ST3GAL1: variants seen among roughly 807,000 people sequenced by gnomAD.
ST3GAL1 encodes the protein CMP-N-acetylneuraminate-beta-galactosamide-alpha-2,3-sialyltransferase 1.
In ST3GAL1, 16 loss-of-function variants were observed where a neutral mutation model predicts 34.1. The ratio of observed to expected loss-of-function variants is 0.47; its 90% CI spans 0.32 to 0.71. ST3GAL1 has a LOEUF of 0.71. ST3GAL1 is among the 30% of genes least tolerant of loss of function. The pLI is 0.04. For synonymous variants in ST3GAL1, 191 were observed against 184.7 expected (o/e 1.03, Z -0.28); for missense variants, 353 against 447.4 (o/e 0.79, Z 1.90).
chr8:133,477,756 G>A (rs1054803682), intron 3 of ST3GAL1, among the ~76,000 whole-genome samples: 36 of 152,114 alleles, frequency 2.4e-4, no homozygotes, highest in African/African-American at 8.7e-4. Context: ...CGTCTGCCCT[G>A]GAGCGTGGTC....
intron 7 of ST3GAL1, 36 bp downstream of exon 7, chr8:133,464,742 G>A (rs139806751): frequency 4.1e-4 from 651 of 1,591,432 alleles, no homozygotes; most frequent in Non-Finnish European, 5.0e-4. Context: ...ACTGCAAGGG[G>A]CAGAGCAGCG....
At chr8:133,569,911 G>A (rs1223682761) in intron 1 of ST3GAL1, among the ~76,000 whole-genome samples, 1 of 152,248 alleles carries the variant, frequency 6.6e-6, no homozygotes, top group Non-Finnish European at 1.5e-5. Flanking sequence ...CACGTAGTAG[G>A]TGCTCCAGGC....
intron 2 of ST3GAL1, among the ~76,000 whole-genome samples, chr8:133,510,889 G>C (rs994789013): frequency 6.6e-6 from 1 of 152,184 alleles, no homozygotes; most frequent in Non-Finnish European, 1.5e-5. Context: ...GGAAGGACAG[G>C]GAATGAAGCA....
intron 1 of ST3GAL1, among the ~76,000 whole-genome samples, chr8:133,569,044 A>G (rs1169145488): frequency 6.6e-6 from 1 of 152,200 alleles, no homozygotes; most frequent in East Asian, 1.9e-4. Context: ...TTCGAGGAAC[A>G]GACTCCACAC....
intron 2 of ST3GAL1, among the ~76,000 whole-genome samples, chr8:133,511,270 G>A (rs994734340): frequency 6.6e-6 from 1 of 152,188 alleles, no homozygotes; most frequent in African/African-American, 2.4e-5. Flanking sequence ...CTTATGGGGA[G>A]GTAGATAGGC....
chr8:133,461,273 G>A lies in ST3GAL1; in HGVS notation c.849+602C>T, dbSNP rs185446647. ...CCTGCCTGAACCCAACATCAGGGAG[G>A]AAGTGGGGGCTGTGTGGCCTGCCCT... is the stretch of plus-strand genomic sequence containing the variant. On this transcript the variant is annotated intron_variant, in intron 9 of 9. Transcript: ENST00000522652. The surrounding 1 kb of genome is among the most constrained non-coding windows in gnomAD (Gnocchi z 4.7). Among the ~76,000 whole-genome samples, 29 of 152,328 alleles carry A rather than the reference G, an allele frequency of 1.9e-4. No homozygotes were observed. In the East Asian group the frequency reaches 5.2e-3, roughly 27 times the overall value.
chr8:133,560,474 A>G (rs1819187518), intron 1 of ST3GAL1, among the ~76,000 whole-genome samples: 1 of 152,232 alleles, frequency 6.6e-6, no homozygotes, highest in Non-Finnish European at 1.5e-5. Context: ...TCAGAGCCCC[A>G]GGCTTTGGGA....
intron 2 of ST3GAL1, among the ~76,000 whole-genome samples, chr8:133,510,683 A>T (rs1817477871): frequency 1.3e-5 from 2 of 152,232 alleles, no homozygotes; most frequent in Non-Finnish European, 2.9e-5. Context: ...AATGGAATAA[A>T]ATTTAAAGCA....
At chr8:133,562,608 C>T (rs1233888936) in intron 1 of ST3GAL1, among the ~76,000 whole-genome samples, 3 of 152,054 alleles carry the variant, frequency 2.0e-5, no homozygotes, top group Admixed American at 6.6e-5. Flanking sequence ...CTGTGAATGT[C>T]GCTGGGTTGT....
At position 133,458,085 on chromosome 8, in the gene ST3GAL1, A is replaced by G. The variant is rs1815366664; in HGVS notation, c.*1679T>C. ...CTAGCCTGAGAATAAATCCAAGTCC[A>G]CAATGAGGAAGAAGGAAGGTTGGGT... On this transcript the variant is annotated 3_prime_UTR_variant, in exon 10 of 10. Coordinates refer to ENST00000522652, the MANE Select transcript of ST3GAL1 (RefSeq NM_173344.3). The G allele has an allele frequency of 6.6e-6, 1 of 152,274 alleles. No homozygotes were observed. The highest frequency in any genetic ancestry group is 1.5e-5 in the Non-Finnish European group (1 of 68,072). The allele number at this position is 152,274 out of a possible 1,614,324, so 9.4% of individuals were successfully genotyped here.
chr8:133,519,288 A>T (rs958763699), intron 2 of ST3GAL1, among the ~76,000 whole-genome samples: 11 of 152,198 alleles, frequency 7.2e-5, no homozygotes, highest in Non-Finnish European at 1.5e-5. Flanking sequence ...CTCATGCCTC[A>T]TGCCCTGTGA....
intron 2 of ST3GAL1, among the ~76,000 whole-genome samples, chr8:133,512,601 G>A (rs1817527042): frequency 6.6e-6 from 1 of 152,148 alleles, no homozygotes; most frequent in South Asian, 2.1e-4. Flanking sequence ...GCCATTGAAA[G>A]GTGAAGGGCC....
intron 3 of ST3GAL1, among the ~76,000 whole-genome samples, chr8:133,492,473 C>T (rs1448952598): frequency 6.6e-6 from 1 of 152,168 alleles, no homozygotes; most frequent in African/African-American, 2.4e-5. Context: ...GTAATCCTAG[C>T]ACTTTGGGAG....
Position 133,497,252 on chromosome 8 carries a change from CG to C in ST3GAL1, c.-374+1882del, listed in dbSNP as rs565816942. Among the ~76,000 whole-genome samples, 31 of 152,306 alleles carry C rather than the reference CG, an allele frequency of 2.0e-4. No homozygotes were observed. The South Asian group carries it at 4.1e-3, about 20-fold the overall frequency. On this transcript the variant is annotated intron_variant, in intron 3 of 9. Transcript: ENST00000522652. ...CGGATTCCTGCCCTGCCTGGAAAGA[CG>C]GGCCTGACACAGTGGACTGCAGTGT...
At chr8:133,509,624 G>T (rs1817445926) in intron 2 of ST3GAL1, among the ~76,000 whole-genome samples, 1 of 152,238 alleles carries the variant, frequency 6.6e-6, no homozygotes, top group African/African-American at 2.4e-5. Context: ...GAGATCACAG[G>T]GTGGAAAGTA....
chr8:133,557,342 A>G (rs1376104363), intron 1 of ST3GAL1, among the ~76,000 whole-genome samples: 2 of 152,200 alleles, frequency 1.3e-5, no homozygotes, highest in South Asian at 2.1e-4. Context: ...TGTGGTACCC[A>G]TGGTCCAGGC....
chr8:133,562,209 CTTT>C (rs35234056), intron 1 of ST3GAL1, among the ~76,000 whole-genome samples: 19 of 113,254 alleles, frequency 1.7e-4, no homozygotes, highest in Admixed American at 3.7e-4. Flanking sequence ...GAATCCACAT[CTTT>C]TTTTTTTTTT....
At chr8:133,564,558 T>TCACACACACA (rs1819338318) in intron 1 of ST3GAL1, among the ~76,000 whole-genome samples, 2 of 83,158 alleles carry the variant, frequency 2.4e-5, no homozygotes, top group African/African-American at 4.6e-5. Flanking sequence ...ACACACAGAG[T>TCACACACACA]CAGAAGAAAT....
chr8:133,536,066 CTG>C (rs1818302452), intron 2 of ST3GAL1, among the ~76,000 whole-genome samples: 1 of 152,132 alleles, frequency 6.6e-6, no homozygotes, highest in Non-Finnish European at 1.5e-5. Context: ...GATGAGGAAA[CTG>C]AGATCAAGAG....
Sources: allele counts gnomAD v4.1 joint callset (sites outside exome capture counted in the v4.1 genomes callset), GRCh38; gene constraint gnomAD v4.1.1; non-coding constraint Gnocchi (gnomAD v3.1); transcripts MANE v1.5; gene names NCBI Gene and HGNC (gene_info 2026-07-23, HGNC 2026-07-21).